The following ANGEL2 variants were observed in gnomAD, a reference collection of about 807,000 sequenced individuals.
ANGEL2 encodes the protein angel homolog 2.
Under a neutral mutation model 66.0 loss-of-function variants are expected in ANGEL2, and 41 were observed. The ratio of observed to expected loss-of-function variants is 0.62; its 90% CI spans 0.48 to 0.81. ANGEL2 has a LOEUF of 0.81. ANGEL2 is among the 30% of genes least tolerant of loss of function. The pLI is 0.00. For missense variants in ANGEL2, 561 were observed against 641.6 expected (o/e 0.87, Z 1.36); for synonymous variants, 208 against 226.5 (o/e 0.92, Z 0.73).
At position 212,993,778 on chromosome 1, in the gene ANGEL2, TTAAA is replaced by T. The variant is rs1432373250; in HGVS notation, c.*1259_*1262del. On this transcript the variant is annotated 3_prime_UTR_variant, in exon 9 of 9. Coordinates refer to ENST00000366962, the MANE Select transcript of ANGEL2 (RefSeq NM_144567.5). ...AAACAAAACCACTAAAACCAACAGT[TTAAA>T]TGACTATTTACAGAGCATTAGGTCT... is the stretch of plus-strand genomic sequence containing the variant. 1 of 152,166 alleles carries T rather than the reference TTAAA, an allele frequency of 6.6e-6. No individual in the cohort carries two copies. The highest frequency in any genetic ancestry group is 2.4e-5 in the African/African-American group (1 of 41,412). The allele number at this position is 152,166 out of a possible 1,614,324, so 9.4% of individuals were successfully genotyped here. A position where few individuals can be genotyped will look rare whatever the true frequency, so the allele number is the denominator to read the frequency against.
At chr1:213,007,107 A>G in intron 4 of ANGEL2, 22 bp downstream of exon 4, 1 of 1,607,298 alleles carries the variant, frequency 6.2e-7, no homozygotes, top group Admixed American at 1.7e-5. Flanking sequence ...AAGAAAAAAA[A>G]AAAAAAAAAG....
chr1:213,005,534 C>A, intron 4 of ANGEL2, 80 bp from the exon 5 acceptor site: 1 of 1,346,546 alleles, frequency 7.4e-7, no homozygotes, highest in Non-Finnish European at 1.0e-6. Context: ...TACTTCTGAA[C>A]AATGTTTACC....
intron 7 of ANGEL2, 61 bp downstream of exon 7, chr1:213,000,265 G>C (rs1007011834): frequency 2.1e-6 from 3 of 1,462,364 alleles, no homozygotes; most frequent in Non-Finnish European, 1.9e-6. Flanking sequence ...TGATTTTTGA[G>C]AAATGAGTTT....
chr1:213,009,587 C>T (rs1436714285), intron 2 of ANGEL2, among the ~76,000 whole-genome samples: 5 of 152,184 alleles, frequency 3.3e-5, no homozygotes, highest in Admixed American at 3.3e-4. Flanking sequence ...ATATCCTATA[C>T]ACTTATATAG....
chr1:212,998,180 C>T (rs1296666499), intron 7 of ANGEL2, among the ~76,000 whole-genome samples: 4 of 150,436 alleles, frequency 2.7e-5, no homozygotes, highest in South Asian at 4.2e-4. Context: ...TGCTTGAGCT[C>T]AGGAGCTCGA....
rs542312772 is a variant in ANGEL2, at chr1:213,010,933, C to T, written c.385+2160G>A. On this transcript the variant is annotated intron_variant, in intron 2 of 8. Coordinates refer to ENST00000366962, the MANE Select transcript of ANGEL2 (RefSeq NM_144567.5). The stretch of plus-strand genomic sequence containing the variant: ...CCAGGACCATTAGTTTATCTGGTTA[C>T]TACAGTGGCTTTCAAACTTCTACAA... Among the ~76,000 whole-genome samples the T allele has an allele frequency of 1.4e-4, 22 of 152,306 alleles. 1 individual carries two copies. The East Asian group carries it at 3.9e-3, about 27-fold the overall frequency.
chr1:212,998,702 AT>A (rs1254712827), intron 7 of ANGEL2, among the ~76,000 whole-genome samples: 1 of 148,752 alleles, frequency 6.7e-6, no homozygotes, highest in Non-Finnish European at 1.5e-5. Flanking sequence ...TTTTTTTTGT[AT>A]CTTTAGTAGA....
chr1:213,001,311 T>C (rs915007379), intron 5 of ANGEL2: 4 of 195,654 alleles, frequency 2.0e-5, no homozygotes, highest in South Asian at 9.3e-5. Context: ...GCAAGTCACA[T>C]AATTTTTTCA....
At chr1:212,999,678 G>A (rs936506435) in intron 7 of ANGEL2, among the ~76,000 whole-genome samples, 2 of 152,172 alleles carry the variant, frequency 1.3e-5, no homozygotes, top group African/African-American at 4.8e-5. Flanking sequence ...CAAGATTTAA[G>A]TCTCTGTCCT....
chr1:213,009,744 A>G (rs1442727971), intron 2 of ANGEL2, among the ~76,000 whole-genome samples: 1 of 152,228 alleles, frequency 6.6e-6, no homozygotes, highest in Non-Finnish European at 1.5e-5. Flanking sequence ...AATGCCAATG[A>G]AGTAATCATT....
intron 3 of ANGEL2, among the ~76,000 whole-genome samples, chr1:213,007,877 T>C (rs1214924332): frequency 6.6e-6 from 1 of 151,942 alleles, no homozygotes; most frequent in Non-Finnish European, 1.5e-5. Flanking sequence ...TTTTTTTTTT[T>C]TTTGAGGCAG....
intron 8 of ANGEL2, among the ~76,000 whole-genome samples, chr1:212,996,183 T>G (rs2075995281): frequency 6.6e-6 from 1 of 152,064 alleles, no homozygotes; most frequent in Non-Finnish European, 1.5e-5. Flanking sequence ...GGCGGGCGCC[T>G]GTAGTCCCAG....
intron 1 of ANGEL2, 178 bp downstream of exon 1, chr1:213,015,435 T>C: frequency 7.0e-7 from 1 of 1,421,442 alleles, no homozygotes; most frequent in South Asian, 1.5e-5. Context: ...CGCGGCGGGT[T>C]TACCTATCCC....
At chr1:212,996,144 A>G (rs2075992249) in intron 8 of ANGEL2, among the ~76,000 whole-genome samples, 1 of 152,020 alleles carries the variant, frequency 6.6e-6, no homozygotes, top group Non-Finnish European at 1.5e-5. Context: ...CGTCTCTACT[A>G]AAAATACAAA....
At chr1:212,997,368 G>T in intron 7 of ANGEL2, 50 bp from the exon 8 acceptor site, 1 of 1,495,168 alleles carries the variant, frequency 6.7e-7, no homozygotes, top group Non-Finnish European at 9.2e-7. Flanking sequence ...GTAACTTCAA[G>T]AATTCCTCCT....
In ANGEL2 at chr1:212,997,760, A is replaced by G. The variant is rs1572108919; in HGVS notation, c.1320-442T>C. Among the ~76,000 whole-genome samples the G allele has an allele frequency of 2.6e-5, 4 of 152,356 alleles. No individual in the cohort carries two copies. The South Asian group carries it at 8.3e-4, about 32-fold the overall frequency. Reference sequence around the variant, plus strand: ...CACATATAATTTTGTACTGCATCTTAAAACAGCTTCTCTAATGGTTTATTA... The same window carrying G: ...CACATATAATTTTGTACTGCATCTTGAAACAGCTTCTCTAATGGTTTATTA... On this transcript the variant is annotated intron_variant, in intron 7 of 8. Coordinates refer to ENST00000366962, the MANE Select transcript of ANGEL2 (RefSeq NM_144567.5).
Position 213,015,753 on chromosome 1 carries a change from T to C in ANGEL2, c.-82A>G. 6.3e-7 allele frequency: 1 copy of C among 1,589,668 alleles called. No homozygotes were observed. Among genetic ancestry groups the C allele is most frequent in the Non-Finnish European group, 8.6e-7 (1 of 1,159,624 alleles). On this transcript the variant is annotated 5_prime_UTR_variant, in exon 1 of 9. Transcript: ENST00000366962. ...AATCGATGCGACGGCCTAAAGTATC[T>C]AGGGAACCCCATCACTCTTAAGTAC...
At position 213,008,031 on chromosome 1, in the gene ANGEL2, T is replaced by C. The variant is rs571318074; in HGVS notation, c.642+179A>G. ...GGCATGAGCCACCACGCCCGGCTAA[T>C]TTTGTATGTTTTAGTAGAGACGGGG... On this transcript the variant is annotated intron_variant, in intron 3 of 8. Coordinates refer to ENST00000366962, the MANE Select transcript of ANGEL2 (RefSeq NM_144567.5). Among the ~76,000 whole-genome samples, 3 of 151,878 alleles carry C rather than the reference T, an allele frequency of 2.0e-5. No homozygotes were observed. In the South Asian group the frequency reaches 6.3e-4, roughly 32 times the overall value.
chr1:212,997,003 T>G, intron 8 of ANGEL2, 152 bp downstream of exon 8: 1 of 669,836 alleles, frequency 1.5e-6, no homozygotes, highest in Non-Finnish European at 2.4e-6. Context: ...ACTGATTTAT[T>G]CAAATATATT....
Sources: gnomAD v4.1 joint callset for allele counts (sites outside exome capture counted in the v4.1 genomes callset) on GRCh38, gnomAD v4.1.1 for gene constraint, MANE v1.5 for transcripts, NCBI Gene and HGNC (gene_info 2026-07-23, HGNC 2026-07-21) for gene names.